C16orf89: variants seen among roughly 807,000 people sequenced by gnomAD.
C16orf89 encodes the protein UPF0764 protein C16orf89.
Under a neutral mutation model 41.5 loss-of-function variants are expected in C16orf89, and 57 were observed. That is an observed-to-expected ratio of 1.38 (90% confidence interval 1.11 to 1.71). C16orf89 has a LOEUF of 1.71. C16orf89 is among the 40% of genes most tolerant of loss of function. The probability of loss-of-function intolerance (pLI) is 0.00; values close to 1 mark genes in which losing one functional copy is unlikely to be tolerated. For missense variants in C16orf89, 575 were observed against 445.9 expected (o/e 1.29, Z -2.61); for synonymous variants, 223 against 190.6 (o/e 1.17, Z -1.40).
chr16:5,055,306 G>A lies in C16orf89; in HGVS notation c.808C>T (p.Arg270Trp), dbSNP rs537472512. Reference sequence around the variant, plus strand: ...CAGCTGAGAATGGCCTCCAGCCACCGGAGCTTGTAGAAGTCGGAGAAGCCG... The same window carrying A: ...CAGCTGAGAATGGCCTCCAGCCACCAGAGCTTGTAGAAGTCGGAGAAGCCG... ...MGGFSDFYKL[R>W]WLEAILSWQK... The change falls in exon 6 of 8, where the codon CGG becomes TGG. Residue 270 changes from arginine to tryptophan, a missense_variant. Arg to Trp is a moderately radical substitution (Grantham distance 101). Transcript: ENST00000472572. 31 of 1,613,406 alleles carry A rather than the reference G, an allele frequency of 1.9e-5. No homozygotes were observed. The highest frequency in any genetic ancestry group is 1.6e-4 in the Middle Eastern group (1 of 6,062).
intron 4 of C16orf89, 75 bp from the exon 5 acceptor site, chr16:5,056,263 C>A: frequency 7.0e-7 from 1 of 1,428,212 alleles, no homozygotes; most frequent in South Asian, 1.3e-5. Context: ...ATGGGAAAGT[C>A]TTGCAGTTCT....
chr16:5,047,956 C>G lies in C16orf89; in HGVS notation c.877G>C (p.Asp293His), dbSNP rs564900853. 3.0e-5 allele frequency: 47 copies of G among 1,574,780 alleles called. No homozygotes were observed. Among genetic ancestry groups the G allele is most frequent in the Non-Finnish European group, 4.1e-5 (47 of 1,145,816 alleles). Residue 293 changes from aspartate to histidine, a missense_variant, in exon 7 of 8, where the codon GAT becomes CAT. Coordinates refer to ENST00000472572, the MANE Select transcript of C16orf89 (RefSeq NM_001098514.3). ...TGAATAGCTTTAGATAATTCTTCAT[C>G]TTCAGCATCTGGGAGAAGAGCAAAA... ...EGCFGEPDAE[D>H]EELSKAIQYQ... is the part of the protein sequence containing the mutation.
At chr16:5,053,651 C>T (rs1596691419) in intron 6 of C16orf89, among the ~76,000 whole-genome samples, 1 of 151,046 alleles carries the variant, frequency 6.6e-6, no homozygotes, top group South Asian at 2.1e-4. Context: ...TCAAGTGATT[C>T]TCCCACCTCA....
intron 6 of C16orf89, among the ~76,000 whole-genome samples, chr16:5,048,901 C>T (rs1956350253): frequency 6.6e-6 from 1 of 152,036 alleles, no homozygotes; most frequent in East Asian, 1.9e-4. Context: ...GATTCAGTCC[C>T]CCACTTAAAA....
rs1422878001 is a variant in C16orf89, at chr16:5,062,469, C to G, written c.314G>C (p.Arg105Thr). The G allele has an allele frequency of 2.5e-6, 4 of 1,614,126 alleles. No individual in the cohort carries two copies. In the Admixed American group the frequency reaches 6.7e-5, roughly 27 times the overall value. ...LGEKLEAAIQ[R>T]SLHYLKLSDP... ...ACTCAGCTTGAGGTAGTGGAGGGAT[C>G]TCTGGATGGCAGCCTCCAGCTTCTC... Residue 105 changes from arginine to threonine, a missense_variant, in exon 2 of 8, where the codon AGA becomes ACA. Transcript: ENST00000472572.
At chr16:5,063,030 A>G (rs1370614605) in intron 1 of C16orf89, among the ~76,000 whole-genome samples, 1 of 152,148 alleles carries the variant, frequency 6.6e-6, no homozygotes. Context: ...CTGTCAAGTG[A>G]CTTCAGGAAG....
At chr16:5,063,331 G>A (rs1007327892) in intron 1 of C16orf89, among the ~76,000 whole-genome samples, 3 of 152,160 alleles carry the variant, frequency 2.0e-5, no homozygotes, top group Non-Finnish European at 2.9e-5. Flanking sequence ...CCCTCCATGG[G>A]CAAACCCGCA....
At chr16:5,058,418 C>G in intron 4 of C16orf89, 75 bp downstream of exon 4, 2 of 1,329,094 alleles carry the variant, frequency 1.5e-6, no homozygotes, top group Non-Finnish European at 2.1e-6. Flanking sequence ...CAGGCATGAG[C>G]CACCACGTCC....
chr16:5,043,836 G>A (rs1358267065), downstream of C16orf89: 1 of 152,498 alleles, frequency 6.6e-6, no homozygotes, highest in Non-Finnish European at 1.5e-5. Context: ...CCAAGTCCAT[G>A]TAGTGAGATC....
In C16orf89 at chr16:5,050,660, TA is replaced by T. The variant is rs1252213194; in HGVS notation, c.869-2697del. ...TACAAGTTCAGCATTACCCCAATAC[TA>T]AAACCAGCCAAGGACAAAGCAACAA... On this transcript the variant is annotated intron_variant, in intron 6 of 7. Coordinates refer to ENST00000472572, the MANE Select transcript of C16orf89 (RefSeq NM_001098514.3). Among the ~76,000 whole-genome samples, 3 of 152,094 alleles carry T rather than the reference TA, an allele frequency of 2.0e-5. No homozygotes were observed. In the East Asian group the frequency reaches 5.8e-4, roughly 29 times the overall value.
chr16:5,058,587 C>A lies in C16orf89; in HGVS notation c.533G>T (p.Gly178Val). 6.2e-7 allele frequency: 1 copy of A among 1,612,180 alleles called. No individual in the cohort carries two copies. Among genetic ancestry groups the A allele is most frequent in the Non-Finnish European group, 8.5e-7 (1 of 1,179,700 alleles). The change falls in exon 4 of 8, where the codon GGC (glycine) becomes GTC (valine). Residue 178 changes from glycine to valine, a missense_variant. Gly to Val is a moderately radical substitution (Grantham distance 109, BLOSUM62 -3). Transcript: ENST00000472572. ...GTGTDSSEPC[G>V]LSDLCRSLMT... ...GAGGCTCCTGCAGAGGTCTGAGAGG[C>A]CGCAGGGCTCGCTGCTGTCCGTCCT...
rs754695942 is a variant in C16orf89 at position 5,062,502 on chromosome 16, A to G, written c.281T>C (p.Met94Thr). 1.2e-5 allele frequency: 19 copies of G among 1,613,946 alleles called. No individual in the cohort carries two copies. The highest frequency in any genetic ancestry group is 1.7e-5 in the Admixed American group (1 of 59,994). ...GGCAGCCTCCAGCTTCTCCCCCAGC[A>G]TCCCCACGCGCAGGCTCAGCGGCTG... Reference protein sequence around the residue: ...LLQPLSLRVGMLGEKLEAAIQ... With the variant: ...LLQPLSLRVGTLGEKLEAAIQ... The change falls in exon 2 of 8, where the codon ATG becomes ACG. Residue 94 changes from methionine (M) to threonine (T), a missense_variant. Physicochemically the swap from Met to Thr is moderately conservative, Grantham distance 81. Transcript: ENST00000472572.
intron 7 of C16orf89, among the ~76,000 whole-genome samples, chr16:5,046,099 C>A (rs1194257419): frequency 6.6e-6 from 1 of 152,122 alleles, no homozygotes; most frequent in Admixed American, 6.5e-5. Flanking sequence ...TGGAAGTCTC[C>A]TGGGAACTTC....
At chr16:5,060,189 C>A in intron 3 of C16orf89, 97 bp downstream of exon 3, 1 of 1,411,102 alleles carries the variant, frequency 7.1e-7, no homozygotes, top group Non-Finnish European at 9.6e-7. Flanking sequence ...AAACCCCTGG[C>A]TTCAGCCCTA....
chr16:5,050,199 C>G (rs1028330178), intron 6 of C16orf89, among the ~76,000 whole-genome samples: 2 of 152,084 alleles, frequency 1.3e-5, no homozygotes, highest in African/African-American at 4.8e-5. Flanking sequence ...GAAACTCAGT[C>G]TTTACTAAAA....
In C16orf89 at chr16:5,060,737, C is replaced by T. The variant is rs113321621; in HGVS notation, c.359-301G>A. ...TTTAGTTTCCCAGGTGCAGGGCTCA[C>T]GCCTGTCATCCCAGCACTTGGGGAG... On this transcript the variant is annotated intron_variant, in intron 2 of 7. Coordinates refer to ENST00000472572, the MANE Select transcript of C16orf89 (RefSeq NM_001098514.3). Among the ~76,000 whole-genome samples, 1,342 of 152,212 alleles carry T rather than the reference C, an allele frequency of 8.8e-3. 24 individuals are homozygous for T. Among genetic ancestry groups the T allele is most frequent in the East Asian group, 0.039 (197 of 5,104 alleles).
At chr16:5,061,402 C>T (rs1309816884) in intron 2 of C16orf89, among the ~76,000 whole-genome samples, 1 of 130,990 alleles carries the variant, frequency 7.6e-6, no homozygotes, top group South Asian at 2.3e-4. Flanking sequence ...CACTGCACTC[C>T]AGCCTGGGCG....
At chr16:5,055,440 C>G in intron 5 of C16orf89, 90 bp from the exon 6 acceptor site, 1 of 1,208,252 alleles carries the variant, frequency 8.3e-7, no homozygotes, top group Non-Finnish European at 1.2e-6. Flanking sequence ...CACCTGCCTT[C>G]ATCTGCCTGG....
At chr16:5,058,448 T>A (rs1956552308) in intron 4 of C16orf89, 45 bp downstream of exon 4, 1 of 1,519,198 alleles carries the variant, frequency 6.6e-7, no homozygotes, top group Non-Finnish European at 9.1e-7. Flanking sequence ...TTTTCCTTTT[T>A]CCTTCCCCTT....
Sources: gnomAD v4.1 joint callset for allele counts (sites outside exome capture counted in the v4.1 genomes callset) on GRCh38, gnomAD v4.1.1 for gene constraint, MANE v1.5 for transcripts, NCBI Gene and HGNC (gene_info 2026-07-23, HGNC 2026-07-21) for gene names.